TASP1: variants seen among roughly 807,000 people sequenced by gnomAD.
TASP1 encodes taspase 1.
In TASP1, 16 loss-of-function variants were observed where a neutral mutation model predicts 56.6. The observed-to-expected ratio is 0.28, with a 90% CI of 0.19 to 0.43. TASP1 has a LOEUF of 0.43. Among genes scored for constraint, TASP1 ranks in the 20% least tolerant of loss-of-function variants. TASP1 has a pLI of 1.00. For synonymous variants in TASP1, 179 were observed against 184.2 expected (o/e 0.97, Z 0.23); for missense variants, 393 against 511.6 (o/e 0.77, Z 2.24).
At chr20:13,619,206 T>C (rs1490955613) in intron 4 of TASP1, among the ~76,000 whole-genome samples, 1 of 152,148 alleles carries the variant, frequency 6.6e-6, no homozygotes, top group Non-Finnish European at 1.5e-5. Flanking sequence ...CCCCTATCAC[T>C]ATTCTTAATA....
the TASP1 span, among the ~76,000 whole-genome samples, chr20:13,348,850 A>T: frequency 6.6e-6 from 1 of 152,046 alleles, no homozygotes; most frequent in Non-Finnish European, 1.5e-5. Flanking sequence ...CTTTATTCTT[A>T]TTCCTTAGTA....
the TASP1 span, chr20:13,221,937 C>T: frequency 1.5e-6 from 2 of 1,315,786 alleles, no homozygotes; most frequent in Non-Finnish European, 9.6e-7. Context: ...CCGGAGAGGG[C>T]CGTGCGCGGC....
chr20:13,621,593 A>G (rs2048720255), intron 4 of TASP1, among the ~76,000 whole-genome samples: 1 of 152,160 alleles, frequency 6.6e-6, no homozygotes, highest in Non-Finnish European at 1.5e-5. Context: ...CCACATTCTT[A>G]AAAAAACACA....
the TASP1 span, among the ~76,000 whole-genome samples, chr20:13,251,810 G>A: frequency 0.012 from 1,833 of 152,188 alleles, 46 homozygotes; most frequent in African/African-American, 0.042. Flanking sequence ...TTTTCTGTAC[G>A]CCACTGGGGA....
chr20:13,461,943 G>A (rs777846242), intron 11 of TASP1, among the ~76,000 whole-genome samples: 4 of 152,100 alleles, frequency 2.6e-5, no homozygotes, highest in Non-Finnish European at 4.4e-5. Context: ...TTTTGTGGAG[G>A]AGACAATCAT....
intron 1 of TASP1, among the ~76,000 whole-genome samples, chr20:13,631,112 G>A (rs73270747): frequency 1.3e-5 from 2 of 152,144 alleles, no homozygotes; most frequent in East Asian, 3.8e-4. Flanking sequence ...TTTTATAACA[G>A]AGATAGTCTG....
chr20:13,164,532 G>T, the TASP1 span: 1 of 576,340 alleles, frequency 1.7e-6, no homozygotes. Context: ...AACATTCATA[G>T]TATGGAGTTA....
At chr20:13,305,700 T>C in the TASP1 span, among the ~76,000 whole-genome samples, 2 of 152,164 alleles carry the variant, frequency 1.3e-5, no homozygotes, top group Admixed American at 6.5e-5. Flanking sequence ...AGGCTTAGTA[T>C]TGGTTTACCA....
chr20:13,492,311 A>C (rs1420975733), intron 10 of TASP1, among the ~76,000 whole-genome samples: 1 of 152,216 alleles, frequency 6.6e-6, no homozygotes, highest in Non-Finnish European at 1.5e-5. Flanking sequence ...CTAATAAGAA[A>C]GGGCCTTTCC....
chr20:13,350,406 C>T, the TASP1 span, among the ~76,000 whole-genome samples: 1 of 151,694 alleles, frequency 6.6e-6, no homozygotes, highest in Non-Finnish European at 1.5e-5. Context: ...CTAAAATTTA[C>T]GTGGAAAAGC....
At chr20:13,513,528 A>C (rs1208936326) in intron 10 of TASP1, among the ~76,000 whole-genome samples, 2 of 152,144 alleles carry the variant, frequency 1.3e-5, no homozygotes, top group African/African-American at 4.8e-5. Flanking sequence ...TAAGGAGGGA[A>C]GGGATTCTAA....
At chr20:13,316,588 C>T in the TASP1 span, among the ~76,000 whole-genome samples, 1 of 151,776 alleles carries the variant, frequency 6.6e-6, no homozygotes, top group Non-Finnish European at 1.5e-5. Context: ...AATTATGCCC[C>T]ATGACCAAGT....
chr20:13,375,300 T>A, the TASP1 span, among the ~76,000 whole-genome samples: 1 of 151,368 alleles, frequency 6.6e-6, no homozygotes, highest in South Asian at 2.1e-4. Context: ...ATTCTCATTG[T>A]TCAACTCCCA....
chr20:13,369,323 A>G, the TASP1 span, among the ~76,000 whole-genome samples: 8 of 152,166 alleles, frequency 5.3e-5, no homozygotes, highest in Non-Finnish European at 1.2e-4. Context: ...GCACATGCCT[A>G]TAATTCCAGC....
chr20:13,637,701 T>C (rs542256146), intron 1 of TASP1, among the ~76,000 whole-genome samples: 28 of 152,198 alleles, frequency 1.8e-4, no homozygotes, highest in Admixed American at 1.6e-3. Context: ...ATACAGAAAG[T>C]AGATTAGTGG....
chr20:13,109,433 T>C, the TASP1 span, among the ~76,000 whole-genome samples: 2 of 152,336 alleles, frequency 1.3e-5, no homozygotes, highest in Non-Finnish European at 2.9e-5. Flanking sequence ...TGTCTCAGTT[T>C]CCTGAACCAC....
intron 10 of TASP1, among the ~76,000 whole-genome samples, chr20:13,506,918 T>C (rs1017459524): frequency 1.3e-5 from 2 of 150,838 alleles, no homozygotes; most frequent in African/African-American, 2.4e-5. Context: ...TTTGGTACAT[T>C]GTGTTTCCAT....
At chr20:13,106,848 G>A in the TASP1 span, among the ~76,000 whole-genome samples, 2 of 152,174 alleles carry the variant, frequency 1.3e-5, no homozygotes, top group Non-Finnish European at 2.9e-5. Flanking sequence ...ATCTAGGTTT[G>A]GAACTAGCAA....
At chr20:13,505,708 GACAA>G (rs2044104430) in intron 10 of TASP1, among the ~76,000 whole-genome samples, 1 of 151,970 alleles carries the variant, frequency 6.6e-6, no homozygotes, top group African/African-American at 2.4e-5. Flanking sequence ...AAATATCTGA[GACAA>G]ACAAAAATGG....
Sources: allele counts gnomAD v4.1 joint callset (sites outside exome capture counted in the v4.1 genomes callset), GRCh38; gene constraint gnomAD v4.1.1; transcripts MANE v1.5; gene names NCBI Gene and HGNC (gene_info 2026-07-23, HGNC 2026-07-21).